The following POM121C variants were observed in gnomAD, a reference collection of about 807,000 sequenced individuals.
POM121C encodes nuclear envelope pore membrane protein POM 121C.
POM121C carries 20 observed loss-of-function variants against 66.4 expected under a neutral mutation model. The observed-to-expected ratio is 0.30, with a 90% CI of 0.21 to 0.44. POM121C has a LOEUF of 0.44. POM121C is among the 20% of genes least tolerant of loss of function. POM121C has a pLI of 1.00. For synonymous variants in POM121C, 286 were observed against 528.0 expected, an observed-to-expected ratio of 0.54 and a Z score of 6.28; for missense variants, 580 against 1,225.7, an observed-to-expected ratio of 0.47 and a Z score of 7.87.
At chr7:75,456,504 G>C (rs1158840613) in intron 3 of POM121C, among the ~76,000 whole-genome samples, 7 of 152,136 alleles carry the variant, frequency 4.6e-5, no homozygotes, top group African/African-American at 1.7e-4. Context: ...AGGGAGAAGA[G>C]GGCCCCAGTG....
intron 3 of POM121C, among the ~76,000 whole-genome samples, chr7:75,454,012 A>G (rs1365031901): frequency 6.6e-6 from 1 of 152,256 alleles, no homozygotes; most frequent in Non-Finnish European, 1.5e-5. Context: ...GAAAGGCATG[A>G]CATTTTTACA....
At chr7:75,428,119 C>T (rs1554471919) in intron 7 of POM121C, among the ~76,000 whole-genome samples, 4 of 151,980 alleles carry the variant, frequency 2.6e-5, no homozygotes, top group African/African-American at 7.2e-5. Flanking sequence ...GGTTCTCACA[C>T]GACGGCTCAT....
intron 3 of POM121C, among the ~76,000 whole-genome samples, chr7:75,467,623 A>T (rs1222159910): frequency 6.6e-6 from 1 of 152,084 alleles, no homozygotes; most frequent in Non-Finnish European, 1.5e-5. Flanking sequence ...GAGAAATCAT[A>T]ATCTGGAATA....
intron 8 of POM121C, 104 bp from the exon 9 acceptor site, chr7:75,425,812 A>G: frequency 9.9e-7 from 1 of 1,015,012 alleles, no homozygotes; most frequent in South Asian, 1.7e-5. Context: ...CATCTAAAAC[A>G]ACCATCATTT....
chr7:75,484,221 G>A (rs1391279420), intron 1 of POM121C: 2 of 1,609,744 alleles, frequency 1.2e-6, no homozygotes, highest in African/African-American at 2.7e-5. Context: ...ATTTTCTGCT[G>A]CTCTTGGAAA....
intron 3 of POM121C, among the ~76,000 whole-genome samples, chr7:75,472,523 T>C (rs1436116254): frequency 2.7e-5 from 4 of 148,322 alleles, no homozygotes; most frequent in African/African-American, 5.0e-5. Flanking sequence ...AATAAATAAG[T>C]AGGCTGGGCA....
rs782515140 is a variant in POM121C at position 75,419,351 on chromosome 7, G to A, written c.2835C>T (p.Pro945=). ...GTCCAACACCAACAAAGCCTTGGGC[G>A]GGTGCTGAAGATGCCCCAAAGGAGA... ...SSLSFGASSA[P]AQGFVGVGPF... The change falls in exon 14 of 15, where the codon CCC becomes CCT. Residue 945 remains proline (P), a synonymous_variant. Coordinates refer to ENST00000615331, the MANE Select transcript of POM121C (RefSeq NM_001099415.3). The A allele has an allele frequency of 1.6e-4, 265 of 1,613,670 alleles. 1 individual carries two copies. In the East Asian group the frequency reaches 4.6e-3, roughly 28 times the overall value.
At chr7:75,452,891 T>A (rs1422346108) in intron 3 of POM121C, among the ~76,000 whole-genome samples, 11 of 151,940 alleles carry the variant, frequency 7.2e-5, no homozygotes, top group Non-Finnish European at 1.3e-4. Flanking sequence ...GCAGAAACAG[T>A]CAGTTGCATC....
chr7:75,423,579 G>C (rs1213129896), intron 12 of POM121C, among the ~76,000 whole-genome samples: 3 of 151,210 alleles, frequency 2.0e-5, no homozygotes, highest in African/African-American at 7.3e-5. Flanking sequence ...CCCTTGAGCA[G>C]GGAGGGTGCG....
Position 75,441,063 on chromosome 7 carries a change from C to G in POM121C, c.118G>C (p.Asp40His), listed in dbSNP as rs1458160934. 1 of 1,613,802 alleles carries G rather than the reference C, an allele frequency of 6.2e-7. No individual in the cohort carries two copies. The highest frequency in any genetic ancestry group is 1.7e-5 in the Admixed American group (1 of 59,988). The change falls in exon 5 of 15, where the codon GAC becomes CAC. Residue 40 changes from aspartate (D) to histidine (H), a missense_variant. Coordinates refer to ENST00000615331, the MANE Select transcript of POM121C (RefSeq NM_001099415.3). ...TLSSPSSNAP[D>H]PCAKETVLSA... ...AGTACAGTCTCCTTTGCACATGGGT[C>G]TGGGGCATTACTTGATGGTGACGAC...
chr7:75,453,975 G>A (rs1242193434), intron 3 of POM121C, among the ~76,000 whole-genome samples: 2 of 152,250 alleles, frequency 1.3e-5, no homozygotes, highest in African/African-American at 4.8e-5. Flanking sequence ...TTACTTCTAA[G>A]GGCAAGCATT....
chr7:75,446,999 C>T (rs1450331342), intron 3 of POM121C, among the ~76,000 whole-genome samples: 1 of 90,394 alleles, frequency 1.1e-5, no homozygotes, highest in East Asian at 3.6e-4. Flanking sequence ...CAGAGCGAGA[C>T]TCCGTCTCAA....
At chr7:75,446,616 T>C (rs1554474696) in intron 3 of POM121C, among the ~76,000 whole-genome samples, 5 of 151,930 alleles carry the variant, frequency 3.3e-5, no homozygotes, top group South Asian at 2.1e-4. Context: ...AGCATTGCTT[T>C]GGACCCACCT....
intron 3 of POM121C, among the ~76,000 whole-genome samples, chr7:75,472,021 G>T (rs1402288129): frequency 6.6e-6 from 1 of 151,784 alleles, no homozygotes; most frequent in Non-Finnish European, 1.5e-5. Flanking sequence ...AAGTAGCTGG[G>T]ACTGCAGGCG....
chr7:75,441,127 G>A lies in POM121C; in HGVS notation c.66-12C>T, dbSNP rs186561006. On this transcript the variant is annotated splice_polypyrimidine_tract_variant and intron_variant, in intron 4 of 14. Transcript: ENST00000615331. ...TTATCTGCTCTGGTCTATAATGAAA[G>A]ACAAGATTCTAGCCGTAAGATATTT... 2,375 of 1,611,496 alleles carry A rather than the reference G, an allele frequency of 1.5e-3. 24 individuals carry two copies. In the African/African-American group the frequency reaches 0.025, roughly 17 times the overall value.
At chr7:75,474,563 A>G in intron 3 of POM121C, 141 bp downstream of exon 3, 1 of 431,768 alleles carries the variant, frequency 2.3e-6, no homozygotes, top group Non-Finnish European at 4.4e-6. Flanking sequence ...AAAAGAGTTC[A>G]TGTATGTGTG....
rs1260502356 is a variant in POM121C, at chr7:75,417,764, T to C, written c.*1032A>G. ...GCCAGCCCTTGAAGTCAGAACACCA[T>C]GGGAAAATTCAGGAGTCGGCACTTG... On this transcript the variant is annotated 3_prime_UTR_variant, in exon 15 of 15. Transcript: ENST00000615331. The C allele has an allele frequency of 4.1e-6, 4 of 969,578 alleles. No individual in the cohort carries two copies. In the African/African-American group the frequency reaches 7.0e-5, roughly 17 times the overall value. 60.1% of individuals were successfully genotyped at this position (969,578 alleles called of 1,614,324 possible).
At chr7:75,436,784 A>G (rs1470116520) in intron 7 of POM121C, among the ~76,000 whole-genome samples, 1 of 152,068 alleles carries the variant, frequency 6.6e-6, no homozygotes, top group Non-Finnish European at 1.5e-5. Flanking sequence ...GTCAGAGCCA[A>G]GCATTTTTTT....
intron 3 of POM121C, 30 bp downstream of exon 3, chr7:75,474,674 T>G: frequency 1.6e-6 from 2 of 1,253,078 alleles, no homozygotes; most frequent in Non-Finnish European, 2.3e-6. Flanking sequence ...GGATGAGCAT[T>G]TTTTAACATT....
Sources: allele counts gnomAD v4.1 joint callset (sites outside exome capture counted in the v4.1 genomes callset), GRCh38; gene constraint gnomAD v4.1.1; transcripts MANE v1.5; gene names NCBI Gene and HGNC (gene_info 2026-07-23, HGNC 2026-07-21).